The following SMARCC1 variants were observed in gnomAD, a reference collection of about 807,000 sequenced individuals.
The protein encoded by SMARCC1 is SWI/SNF complex subunit SMARCC1.
In SMARCC1, 43 loss-of-function variants were observed where a neutral mutation model predicts 147.4. That is an observed-to-expected ratio of 0.29 (90% CI 0.23 to 0.38). SMARCC1 has a LOEUF of 0.38. Ranked by LOEUF, SMARCC1 falls within the 10% of genes least tolerant of loss-of-function variation. The probability of loss-of-function intolerance (pLI) is 1.00; values close to 1 mark genes in which losing one functional copy is unlikely to be tolerated. For missense variants in SMARCC1, 1,119 were observed against 1,381.1 expected, an observed-to-expected ratio of 0.81 and a Z score of 3.01; for synonymous variants, 495 against 484.4, an observed-to-expected ratio of 1.02 and a Z score of -0.29.
chr3:47,690,185 G>A (rs911304451), intron 12 of SMARCC1, among the ~76,000 whole-genome samples: 3 of 152,080 alleles, frequency 2.0e-5, no homozygotes, highest in Admixed American at 6.6e-5. Flanking sequence ...GCAAGATCTT[G>A]TCTCTTATTA....
chr3:47,728,104 T>TTTTTTTGTGG (rs2034322358), intron 6 of SMARCC1, among the ~76,000 whole-genome samples: 1 of 143,742 alleles, frequency 7.0e-6, no homozygotes, highest in South Asian at 2.3e-4. Flanking sequence ...TTTTTTTTTT[T>TTTTTTTGTGG]GAGATGGAGT....
At chr3:47,638,683 G>C in intron 22 of SMARCC1, 42 bp downstream of exon 22, 1 of 1,476,776 alleles carries the variant, frequency 6.8e-7, no homozygotes, top group Non-Finnish European at 9.5e-7. Flanking sequence ...ATTATGGTCT[G>C]AAAGGCATGC....
In SMARCC1 at chr3:47,636,413, C is replaced by A. The variant is rs549209008; in HGVS notation, c.2377-277G>T. Among the ~76,000 whole-genome samples the A allele has an allele frequency of 5.9e-5, 9 of 152,250 alleles. No individual in the cohort carries two copies. In the South Asian group the frequency reaches 1.7e-3, roughly 28 times the overall value. ...TGCTATAAAGCAAGGGTTACCATGC[C>A]CAGAGGAATGTGAAGGGAATTAACT... is the stretch of plus-strand genomic sequence containing the variant. On this transcript the variant is annotated intron_variant, in intron 22 of 27. Transcript: ENST00000254480.
intron 1 of SMARCC1, among the ~76,000 whole-genome samples, chr3:47,779,111 C>A (rs753924255): frequency 6.6e-6 from 1 of 151,044 alleles, no homozygotes; most frequent in Non-Finnish European, 1.5e-5. Flanking sequence ...AAGTACCCGG[C>A]ACATGGTAAA....
chr3:47,750,747 G>A (rs568935198), intron 2 of SMARCC1, among the ~76,000 whole-genome samples: 72 of 152,154 alleles, frequency 4.7e-4, no homozygotes, highest in Middle Eastern at 3.4e-3. Flanking sequence ...CAACTATATT[G>A]ACACCACTTA....
At chr3:47,773,061 T>C (rs2034933852) in intron 1 of SMARCC1, 125 bp from the exon 2 acceptor site, 2 of 741,080 alleles carry the variant, frequency 2.7e-6, no homozygotes, top group Non-Finnish European at 4.3e-6. Flanking sequence ...AGACACGCTC[T>C]GTGCTATAAA....
At chr3:47,671,430 A>T (rs571942475) in intron 18 of SMARCC1, among the ~76,000 whole-genome samples, 10 of 152,304 alleles carry the variant, frequency 6.6e-5, no homozygotes, top group African/African-American at 1.4e-4. Flanking sequence ...CAGATGTACT[A>T]CACACGTAAA....
At chr3:47,708,074 A>ATTTT (rs1323957181) in intron 9 of SMARCC1, among the ~76,000 whole-genome samples, 6 of 41,624 alleles carry the variant, frequency 1.4e-4, no homozygotes, top group Admixed American at 2.7e-4. Flanking sequence ...CTGAAGTTGA[A>ATTTT]TTTTTTTTCT....
chr3:47,643,821 G>A (rs1359994659), intron 21 of SMARCC1, among the ~76,000 whole-genome samples: 1 of 152,128 alleles, frequency 6.6e-6, no homozygotes, highest in Admixed American at 6.5e-5. Flanking sequence ...TACATAACCT[G>A]CATTAAGACA....
chr3:47,697,362 G>A (rs907235428), intron 11 of SMARCC1, among the ~76,000 whole-genome samples: 7 of 150,850 alleles, frequency 4.6e-5, no homozygotes, highest in Admixed American at 1.3e-4. Flanking sequence ...GTGCCCTGGC[G>A]TGATCGTGGC....
intron 19 of SMARCC1, among the ~76,000 whole-genome samples, chr3:47,663,219 GAAGGAAGGA>G (rs2033374807): frequency 1.5e-5 from 1 of 64,646 alleles, no homozygotes; most frequent in Non-Finnish European, 3.3e-5. Context: ...GGGGAGGAAG[GAAGGAAGGA>G]AGGAAGGAAG....
chr3:47,655,743 C>A (rs1323063271), intron 21 of SMARCC1, among the ~76,000 whole-genome samples: 1 of 151,978 alleles, frequency 6.6e-6, no homozygotes, highest in Non-Finnish European at 1.5e-5. Context: ...ATGAAAATCA[C>A]TGTATCTAAA....
intron 26 of SMARCC1, among the ~76,000 whole-genome samples, chr3:47,600,571 A>G (rs1286364052): frequency 6.6e-6 from 1 of 152,188 alleles, no homozygotes; most frequent in Non-Finnish European, 1.5e-5. Context: ...CAAGAGACTG[A>G]GCTGAGATTC....
At chr3:47,600,946 T>TAA (rs543546684) in intron 26 of SMARCC1, among the ~76,000 whole-genome samples, 2 of 111,086 alleles carry the variant, frequency 1.8e-5, no homozygotes, top group South Asian at 2.7e-4. Flanking sequence ...TCTTTTCCAT[T>TAA]AAAAAAAAAA....
intron 13 of SMARCC1, among the ~76,000 whole-genome samples, chr3:47,687,630 G>C (rs1376546403): frequency 1.3e-5 from 2 of 152,198 alleles, no homozygotes; most frequent in Admixed American, 6.5e-5. Flanking sequence ...ACCACACCAA[G>C]CTAATCTTTT....
intron 11 of SMARCC1, among the ~76,000 whole-genome samples, chr3:47,700,931 T>G (rs758715869): frequency 1.3e-5 from 2 of 152,172 alleles, no homozygotes; most frequent in Non-Finnish European, 2.9e-5. Flanking sequence ...AACTTCAAAT[T>G]TGCATCCACA....
intron 14 of SMARCC1, among the ~76,000 whole-genome samples, chr3:47,684,239 CAAAAAAAAAA>C (rs759227252): frequency 2.0e-5 from 1 of 49,548 alleles, no homozygotes; most frequent in African/African-American, 7.2e-5. Flanking sequence ...GACTCCGTCT[CAAAAAAAAAA>C]AAAAAAAAAA....
intron 10 of SMARCC1, among the ~76,000 whole-genome samples, chr3:47,701,843 C>T (rs1265282846): frequency 6.6e-6 from 1 of 151,690 alleles, no homozygotes; most frequent in Non-Finnish European, 1.5e-5. Context: ...AAAAGGCAAA[C>T]ATTAAAAAGA....
At position 47,678,297 on chromosome 3, in the gene SMARCC1, C is replaced by T. The variant is rs2033597901; in HGVS notation, c.1472G>A (p.Arg491Gln). The T allele has an allele frequency of 1.9e-6, 3 of 1,582,410 alleles. No homozygotes were observed. Among genetic ancestry groups the T allele is most frequent in the East Asian group, 2.3e-5 (1 of 43,200 alleles). Residue 491 changes from arginine (R) to glutamine (Q), a missense_variant, in exon 16 of 28, where the codon CGA becomes CAA. Physicochemically the swap from Arg to Gln is conservative, Grantham distance 43. Transcript: ENST00000254480. ...SKTPEIYLAYRNFMIDTYRLN... is the reference protein window; with the variant it reads ...SKTPEIYLAYQNFMIDTYRLN... ...ACGATACGTGTCAATCATAAAATTT[C>T]GATATGCCAAGTATCTAAAAAGCAA...
Sources: gnomAD v4.1 joint callset for allele counts (sites outside exome capture counted in the v4.1 genomes callset) on GRCh38, gnomAD v4.1.1 for gene constraint, MANE v1.5 for transcripts, NCBI Gene and HGNC (gene_info 2026-07-23, HGNC 2026-07-21) for gene names.